MYC: variants seen among roughly 807,000 people sequenced by gnomAD.
MYC encodes the protein myc proto-oncogene protein.
In MYC, 1 loss-of-function variant was observed where a neutral mutation model predicts 30.5. The observed-to-expected ratio is 0.03, with a 90% CI of 0.01 to 0.16. MYC has a LOEUF of 0.16. Among genes scored for constraint, MYC ranks in the 10% least tolerant of loss-of-function variants. The probability of loss-of-function intolerance (pLI) is 1.00; values close to 1 mark genes in which losing one functional copy is unlikely to be tolerated. For synonymous variants in MYC, 267 were observed against 250.7 expected (o/e 1.07, Z -0.62); for missense variants, 508 against 589.0 (o/e 0.86, Z 1.42).
chr8:127,735,863 G>C, upstream of MYC: 1 of 398,748 alleles, frequency 2.5e-6, no homozygotes, highest in Non-Finnish European at 4.4e-6. Context: ...AATTCATGCG[G>C]CTCTCTTACT....
Position 127,738,905 on chromosome 8 carries a change from G to T in MYC, c.688G>T (p.Ala230Ser). ...GTCCTGCGCCTCGCAAGACTCCAGCGCCTTCTCTCCGTCCTCGGATTCTCT... is the reference window on the plus strand; with the variant it reads ...GTCCTGCGCCTCGCAAGACTCCAGCTCCTTCTCTCCGTCCTCGGATTCTCT... The change falls in exon 2 of 3, where the codon GCC becomes TCC. Residue 230 changes from alanine (A) to serine (S), a missense_variant. Transcript: ENST00000621592. The surrounding 1 kb of genome is among the most constrained non-coding windows in gnomAD (Gnocchi z 7.6). The T allele has an allele frequency of 1.9e-6, 3 of 1,610,992 alleles. No individual in the cohort carries two copies. The highest frequency in any genetic ancestry group is 2.5e-6 in the Non-Finnish European group (3 of 1,179,974).
chr8:127,736,375 C>A lies in MYC; in HGVS notation c.-219C>A. 1.6e-6 allele frequency: 1 copy of A among 611,510 alleles called. No individual in the cohort carries two copies. The allele number at this position is 611,510 out of a possible 1,614,324, so 37.9% of individuals were successfully genotyped here. On this transcript the variant is annotated 5_prime_UTR_variant, in exon 1 of 3. Transcript: ENST00000621592. ...ATAGGGGGCTTCGCCTCTGGCCCAGCCCTCCCGCTGATCCCCCAGCCAGCG... is the reference window on the plus strand; with the variant it reads ...ATAGGGGGCTTCGCCTCTGGCCCAGACCTCCCGCTGATCCCCCAGCCAGCG...
In MYC at chr8:127,738,236, G is replaced by T. The variant is rs1019853797; in HGVS notation, c.31-12G>T. On this transcript the variant is annotated splice_polypyrimidine_tract_variant and intron_variant, in intron 1 of 2. Coordinates refer to ENST00000621592, the MANE Select transcript of MYC (RefSeq NM_002467.6). This position sits in a 1 kb window ranked among gnomAD's most constrained non-coding sequence, Gnocchi z 7.6. ...CTCAAGACTGCCTCCCGCTTTGTGT[G>T]CCCCGCTCCAGCAGCCTCCCGCGAC... 3.2e-6 allele frequency: 5 copies of T among 1,567,724 alleles called. No homozygotes were observed. The African/African-American group carries it at 6.8e-5, about 21-fold the overall frequency.
rs1762763613 is a variant in MYC at position 127,742,140 on chromosome 8, G to T, written c.*1182G>T. 6.6e-6 allele frequency among the ~76,000 whole-genome samples: 1 copy of T among 152,206 alleles called. No individual in the cohort carries two copies. The highest frequency in any genetic ancestry group is 1.5e-5 in the Non-Finnish European group (1 of 68,042). On this transcript the variant is annotated 3_prime_UTR_variant, in exon 3 of 3. Coordinates refer to ENST00000621592, the MANE Select transcript of MYC (RefSeq NM_002467.6). ...TTTAGGACCTAATGGACAGACTCAA[G>T]TCATAACAATGCTAAGCTCTATTTG...
Position 127,741,062 on chromosome 8 carries a change from A to G in MYC, c.*104A>G. The G allele has an allele frequency of 8.9e-7, 1 of 1,118,896 alleles. No individual in the cohort carries two copies. Among genetic ancestry groups the G allele is most frequent in the Non-Finnish European group, 1.2e-6 (1 of 827,772 alleles). The allele number at this position is 1,118,896 out of a possible 1,614,324, so 69.3% of individuals were successfully genotyped here. On this transcript the variant is annotated 3_prime_UTR_variant, in exon 3 of 3. Coordinates refer to ENST00000621592, the MANE Select transcript of MYC (RefSeq NM_002467.6). ...AAATGCAACCTCACAACCTTGGCTG[A>G]GTCTTGAGACTGAAAGATTTAGCCA...
chr8:127,736,152 C>G, upstream of MYC: 1 of 454,168 alleles, frequency 2.2e-6, no homozygotes, highest in Non-Finnish European at 3.9e-6. Flanking sequence ...AAGGGCAGGG[C>G]TTCTCAGAGG....
At position 127,736,273 on chromosome 8, in the gene MYC, G is replaced by A; in HGVS notation, c.-321G>A. The A allele has an allele frequency of 3.7e-6, 2 of 539,886 alleles. No homozygotes were observed. Among genetic ancestry groups the A allele is most frequent in the Non-Finnish European group, 6.5e-6 (2 of 307,662 alleles). The allele number at this position is 539,886 out of a possible 1,614,324, so 33.4% of individuals were successfully genotyped here. On this transcript the variant is annotated 5_prime_UTR_variant, in exon 1 of 3. Coordinates refer to ENST00000621592, the MANE Select transcript of MYC (RefSeq NM_002467.6). ...CCAGCGAGAGGCAGAGGGAGCGAGC[G>A]GGCGGCCGGCTAGGGTGGAAGAGCC...
At position 127,741,914 on chromosome 8, in the gene MYC, C is replaced by G. The variant is rs1421646129; in HGVS notation, c.*956C>G. Among the ~76,000 whole-genome samples the G allele has an allele frequency of 6.6e-6, 1 of 152,168 alleles. No homozygotes were observed. The highest frequency in any genetic ancestry group is 1.5e-5 in the Non-Finnish European group (1 of 68,038). ...CTGTCCATGGGTTATCTCGCAAACCCCAGAGGATCTCTGGGAGGAATGCTA... is the reference window on the plus strand; with the variant it reads ...CTGTCCATGGGTTATCTCGCAAACCGCAGAGGATCTCTGGGAGGAATGCTA... On this transcript the variant is annotated 3_prime_UTR_variant, in exon 3 of 3. Coordinates refer to ENST00000621592, the MANE Select transcript of MYC (RefSeq NM_002467.6).
intron 1 of MYC, among the ~76,000 whole-genome samples, chr8:127,737,282 G>T (rs185892131): frequency 4.6e-5 from 7 of 152,238 alleles, no homozygotes; most frequent in African/African-American, 1.4e-4. Context: ...TTGGGTAGGC[G>T]CAGGCAGGGG....
chr8:127,737,666 T>TGGACGGGGGCGGTACTGGGGGTGG (rs1813619226), intron 1 of MYC, among the ~76,000 whole-genome samples: 1 of 46,888 alleles, frequency 2.1e-5, no homozygotes, highest in Non-Finnish European at 4.1e-5. Flanking sequence ...AAAGGAGTGT[T>TGGACGGGGGCGGTACTGGGGGTGG]GGACGGGGGC....
At chr8:127,735,780 T>A (rs1221427433), upstream of MYC, 9 of 399,066 alleles carry the variant, frequency 2.3e-5, no homozygotes, top group Non-Finnish European at 3.5e-5. Flanking sequence ...CAAACAGTAC[T>A]GCTACGGAGG....
chr8:127,740,354 G>A (rs763722596), intron 2 of MYC, 42 bp from the exon 3 acceptor site: 1 of 1,567,222 alleles, frequency 6.4e-7, no homozygotes, highest in South Asian at 1.2e-5. Context: ...TTATTTTAAT[G>A]TAACCTTGCT....
In MYC at chr8:127,738,622, C is replaced by G. The variant is rs768286545; in HGVS notation, c.405C>G (p.Asp135Glu). ...ACCAGAGTTTCATCTGCGACCCGGA[C>G]GACGAGACCTTCATCAAAAACATCA... The change falls in exon 2 of 3, where the codon GAC becomes GAG. Residue 135 changes from aspartate (D) to glutamate (E), a missense_variant. By Grantham distance (45) the Asp-to-Glu change is conservative. Coordinates refer to ENST00000621592, the MANE Select transcript of MYC (RefSeq NM_002467.6). This position sits in a 1 kb window ranked among gnomAD's most constrained non-coding sequence, Gnocchi z 7.6. 1.2e-6 allele frequency: 2 copies of G among 1,612,568 alleles called. No homozygotes were observed. The highest frequency in any genetic ancestry group is 2.7e-5 in the African/African-American group (2 of 74,902).
In MYC at chr8:127,736,250, A is replaced by G; in HGVS notation, c.-344A>G. 3 of 532,582 alleles carry G rather than the reference A, an allele frequency of 5.6e-6. No individual in the cohort carries two copies. Among genetic ancestry groups the G allele is most frequent in the Non-Finnish European group, 9.9e-6 (3 of 303,826 alleles). The allele number at this position is 532,582 out of a possible 1,614,324, so 33.0% of individuals were successfully genotyped here. ...TTATCTAACTCGCTGTAGTAATTCC[A>G]GCGAGAGGCAGAGGGAGCGAGCGGG... On this transcript the variant is annotated 5_prime_UTR_variant, in exon 1 of 3. Coordinates refer to ENST00000621592, the MANE Select transcript of MYC (RefSeq NM_002467.6).
upstream of MYC, chr8:127,735,710 G>C: frequency 2.5e-6 from 1 of 399,126 alleles, no homozygotes; most frequent in Non-Finnish European, 4.4e-6. Flanking sequence ...CGTTCTCGGT[G>C]TGGAGGGCAG....
chr8:127,739,025 C>A lies in MYC; in HGVS notation c.802+6C>A. The A allele has an allele frequency of 6.7e-7, 1 of 1,497,528 alleles. No homozygotes were observed. Among genetic ancestry groups the A allele is most frequent in the South Asian group, 1.3e-5 (1 of 74,798 alleles). The allele number at this position is 1,497,528 out of a possible 1,614,324, so 92.8% of individuals were successfully genotyped here. On this transcript the variant is annotated splice_donor_region_variant and intron_variant, in intron 2 of 2. Coordinates refer to ENST00000621592, the MANE Select transcript of MYC (RefSeq NM_002467.6). ...CACCACCAGCAGCGACTCTGGTAAGCGAAGCCCGCCCAGGCCTGTCAAAAG... is the reference window on the plus strand; with the variant it reads ...CACCACCAGCAGCGACTCTGGTAAGAGAAGCCCGCCCAGGCCTGTCAAAAG...
chr8:127,738,008 G>A lies in MYC; in HGVS notation c.31-240G>A, dbSNP rs1813630498. On this transcript the variant is annotated intron_variant, in intron 1 of 2. Coordinates refer to ENST00000621592, the MANE Select transcript of MYC (RefSeq NM_002467.6). This position sits in a 1 kb window ranked among gnomAD's most constrained non-coding sequence, Gnocchi z 7.6. Reference sequence around the variant, plus strand: ...GCTCCGGGCTCCCGGGGGAGCGGGGGCTCGGCGGGCACCAAGCCGCTGGTT... The same window carrying A: ...GCTCCGGGCTCCCGGGGGAGCGGGGACTCGGCGGGCACCAAGCCGCTGGTT... 6.6e-6 allele frequency among the ~76,000 whole-genome samples: 1 copy of A among 151,978 alleles called. No homozygotes were observed. The highest frequency in any genetic ancestry group is 1.5e-5 in the Non-Finnish European group (1 of 67,970).
chr8:127,741,642 A>G lies in MYC; in HGVS notation c.*684A>G, dbSNP rs1435911709. Among the ~76,000 whole-genome samples, 5 of 152,310 alleles carry G rather than the reference A, an allele frequency of 3.3e-5. No individual in the cohort carries two copies. The highest frequency in any genetic ancestry group is 7.4e-5 in the Non-Finnish European group (5 of 68,022). On this transcript the variant is annotated 3_prime_UTR_variant, in exon 3 of 3. Coordinates refer to ENST00000621592, the MANE Select transcript of MYC (RefSeq NM_002467.6). ...GATAACAGCCAGAGTTGACAGTTAG[A>G]AGGAATGGCAGAAGGCAGGTGAGAA...
Position 127,736,562 on chromosome 8 carries a change from T to C in MYC, c.-32T>C, listed in dbSNP as rs777120045. On this transcript the variant is annotated 5_prime_UTR_variant, in exon 1 of 3. Coordinates refer to ENST00000621592, the MANE Select transcript of MYC (RefSeq NM_002467.6). The stretch of plus-strand genomic sequence containing the variant: ...CCCCGCCGCTGCCAGGACCCGCTTC[T>C]CTGAAAGGCTCTCCTTGCAGCTGCT... 1.2e-6 allele frequency: 2 copies of C among 1,613,950 alleles called. No homozygotes were observed. The highest frequency in any genetic ancestry group is 1.1e-5 in the South Asian group (1 of 91,066).
Sources: gnomAD v4.1 joint callset for allele counts (sites outside exome capture counted in the v4.1 genomes callset) on GRCh38, gnomAD v4.1.1 for gene constraint, Gnocchi (gnomAD v3.1) non-coding constraint, MANE v1.5 for transcripts, NCBI Gene and HGNC (gene_info 2026-07-23, HGNC 2026-07-21) for gene names.